The following FHIT variants were observed in gnomAD, a reference collection of about 807,000 sequenced individuals.
FHIT encodes the protein fragile histidine triad diadenosine triphosphatase, also known as bis(5'-adenosyl)-triphosphatase.
A neutral mutation model predicts 17.9 loss-of-function variants in FHIT; 19 were observed. That is an observed-to-expected ratio of 1.06 (90% confidence interval 0.74 to 1.56). The LOEUF (loss-of-function observed/expected upper bound fraction) is 1.56, where lower values mean the gene tolerates loss of function less well. FHIT is among the 40% of genes most tolerant of loss of function. The probability of loss-of-function intolerance (pLI) is 0.00; values close to 1 mark genes in which losing one functional copy is unlikely to be tolerated. For missense variants in FHIT, 248 were observed against 189.2 expected (o/e 1.31, Z -1.82); for synonymous variants, 81 against 69.7 (o/e 1.16, Z -0.81).
At chr3:60,324,174 GAGACAC>G (rs980403895) in intron 5 of FHIT, among the ~76,000 whole-genome samples, 1 of 152,072 alleles carries the variant, frequency 6.6e-6, no homozygotes, top group African/African-American at 2.4e-5. Context: ...ACAAACTTGT[GAGACAC>G]AGAAAGGTCA....
intron 3 of FHIT, among the ~76,000 whole-genome samples, chr3:60,830,027 C>G (rs941128076): frequency 3.3e-5 from 5 of 152,082 alleles, no homozygotes; most frequent in Non-Finnish European, 2.9e-5. Flanking sequence ...GCATAACAAA[C>G]CTTACTCATG....
chr3:60,829,217 C>T (rs1222834357), intron 3 of FHIT, among the ~76,000 whole-genome samples: 2 of 152,220 alleles, frequency 1.3e-5, no homozygotes, highest in Non-Finnish European at 2.9e-5. Context: ...TACCTCCCAA[C>T]ACCTACTACT....
chr3:59,821,053 T>A (rs1327909416), intron 8 of FHIT, among the ~76,000 whole-genome samples: 3 of 152,082 alleles, frequency 2.0e-5, no homozygotes, highest in Non-Finnish European at 2.9e-5. Flanking sequence ...CAGGAAGCAG[T>A]TGGAAATATG....
intron 4 of FHIT, among the ~76,000 whole-genome samples, chr3:60,641,419 A>T (rs1200691502): frequency 6.6e-6 from 1 of 152,186 alleles, no homozygotes; most frequent in African/African-American, 2.4e-5. Context: ...TATTCTTTGC[A>T]CTTTGAAGAT....
intron 5 of FHIT, among the ~76,000 whole-genome samples, chr3:60,418,554 C>G (rs1253698132): frequency 3.8e-5 from 5 of 130,204 alleles, no homozygotes; most frequent in Admixed American, 2.7e-4. Context: ...ACATCCCTCC[C>G]AACTTTTTTT....
chr3:59,903,342 T>C (rs1304699048), intron 8 of FHIT, among the ~76,000 whole-genome samples: 1 of 152,172 alleles, frequency 6.6e-6, no homozygotes, highest in Non-Finnish European at 1.5e-5. Context: ...GATGAAATTA[T>C]TCTGGAATTA....
At chr3:61,172,978 C>T (rs1302126703) in intron 2 of FHIT, among the ~76,000 whole-genome samples, 1 of 152,188 alleles carries the variant, frequency 6.6e-6, no homozygotes, top group African/African-American at 2.4e-5. Context: ...TTTACCCCTC[C>T]ACCTGCAATG....
intron 4 of FHIT, among the ~76,000 whole-genome samples, chr3:60,538,917 C>T (rs1032881310): frequency 2.0e-5 from 3 of 151,932 alleles, no homozygotes; most frequent in African/African-American, 4.8e-5. Context: ...AAAGCAATGG[C>T]AACAAAAGCC....
intron 8 of FHIT, among the ~76,000 whole-genome samples, chr3:59,871,303 G>A (rs901186659): frequency 2.0e-5 from 3 of 152,132 alleles, no homozygotes; most frequent in Non-Finnish European, 2.9e-5. Context: ...TTGTAAATAC[G>A]TTTTGATCTT....
chr3:60,008,702 G>A (rs1314389819), intron 7 of FHIT, among the ~76,000 whole-genome samples: 1 of 152,178 alleles, frequency 6.6e-6, no homozygotes, highest in Non-Finnish European at 1.5e-5. Context: ...TCCATGGCAG[G>A]TTGTCAAATG....
intron 5 of FHIT, among the ~76,000 whole-genome samples, chr3:60,106,087 C>T (rs1704397342): frequency 6.6e-6 from 1 of 152,192 alleles, no homozygotes; most frequent in Non-Finnish European, 1.5e-5. Flanking sequence ...TTTCCTTTGT[C>T]CAGCATATTC....
At chr3:59,888,024 G>T (rs1487204857) in intron 8 of FHIT, among the ~76,000 whole-genome samples, 1 of 151,934 alleles carries the variant, frequency 6.6e-6, no homozygotes, top group African/African-American at 2.4e-5. Context: ...TTTTTTCTTG[G>T]GTCTGCTCAG....
chr3:60,058,743 G>C (rs1702186487), intron 5 of FHIT, among the ~76,000 whole-genome samples: 1 of 152,148 alleles, frequency 6.6e-6, no homozygotes, highest in Non-Finnish European at 1.5e-5. Context: ...GCAACACTGT[G>C]TTAAGAAAGA....
At chr3:60,492,589 C>T (rs530558445) in intron 5 of FHIT, among the ~76,000 whole-genome samples, 11 of 150,010 alleles carry the variant, frequency 7.3e-5, no homozygotes, top group Admixed American at 3.3e-4. Context: ...TCACTGCAAC[C>T]GCCACCTCCC....
chr3:60,638,527 A>G (rs1553684528), intron 4 of FHIT, among the ~76,000 whole-genome samples: 1 of 152,142 alleles, frequency 6.6e-6, no homozygotes, highest in Non-Finnish European at 1.5e-5. Context: ...ACTCTTAAAA[A>G]TCTTAATGTT....
rs199769986 is a variant in FHIT, at chr3:59,944,513, T to C, written c.280-22099A>G. Among the ~76,000 whole-genome samples, 435 of 70,810 alleles carry C rather than the reference T, an allele frequency of 6.1e-3. 1 individual carries two copies. Among genetic ancestry groups the C allele is most frequent in the African/African-American group, 0.015 (416 of 28,268 alleles). The allele number at this position is 70,810 out of a possible 152,430, so 46.5% of individuals were successfully genotyped here. On this transcript the variant is annotated intron_variant, in intron 7 of 9. Coordinates refer to ENST00000492590, the MANE Select transcript of FHIT (RefSeq NM_002012.4). ...TGCTGCCCTTTATTAAACATTTTTT[T>C]CTTTTTTTTTTATTTAAACTTTTAT...
intron 2 of FHIT, among the ~76,000 whole-genome samples, chr3:61,089,987 A>C (rs917930863): frequency 6.6e-6 from 1 of 152,250 alleles, no homozygotes; most frequent in Non-Finnish European, 1.5e-5. Flanking sequence ...CTAAAAGCCA[A>C]TCAACAAGCG....
intron 5 of FHIT, among the ~76,000 whole-genome samples, chr3:60,320,018 G>GT (rs1709350928): frequency 6.6e-6 from 1 of 152,100 alleles, no homozygotes; most frequent in Non-Finnish European, 1.5e-5. Context: ...AAAGCGCTCC[G>GT]TAGGATGACA....
At chr3:60,534,083 C>T (rs992600966) in intron 5 of FHIT, among the ~76,000 whole-genome samples, 1 of 152,128 alleles carries the variant, frequency 6.6e-6, no homozygotes, top group African/African-American at 2.4e-5. Flanking sequence ...ATTCTCAAGT[C>T]TCAGGACAAA....
Sources: allele counts gnomAD v4.1 joint callset (sites outside exome capture counted in the v4.1 genomes callset), GRCh38; gene constraint gnomAD v4.1.1; transcripts MANE v1.5; gene names NCBI Gene and HGNC (gene_info 2026-07-23, HGNC 2026-07-21).